Variants in TTC7B observed in about 807,000 individuals in gnomAD.
TTC7B encodes the protein tetratricopeptide repeat domain 7B.
Under a neutral mutation model 106.8 loss-of-function variants are expected in TTC7B, and 28 were observed. The observed-to-expected ratio is 0.26, with a 90% CI of 0.19 to 0.36. The LOEUF is 0.36. TTC7B is among the 10% of genes least tolerant of loss of function. The pLI is 1.00. For missense variants in TTC7B, 862 were observed against 1,076.4 expected (o/e 0.80, Z 2.79); for synonymous variants, 405 against 430.6 (o/e 0.94, Z 0.74).
intron 5 of TTC7B, among the ~76,000 whole-genome samples, chr14:90,702,996 T>C (rs1229699572): frequency 6.6e-6 from 1 of 152,144 alleles, no homozygotes; most frequent in Non-Finnish European, 1.5e-5. Context: ...AAGGGCCAGA[T>C]CACACTAAAA....
At chr14:90,555,047 C>G (rs1890244936) in intron 19 of TTC7B, among the ~76,000 whole-genome samples, 2 of 152,184 alleles carry the variant, frequency 1.3e-5, no homozygotes, top group South Asian at 4.1e-4. Flanking sequence ...GGTTCAGTTA[C>G]CAAGCCAGGT....
chr14:90,576,109 T>C (rs1275181063), intron 19 of TTC7B, among the ~76,000 whole-genome samples: 1 of 152,086 alleles, frequency 6.6e-6, no homozygotes. Context: ...ACTCTCCCGG[T>C]GCGATTTTCC....
At chr14:90,736,284 A>G (rs984312792) in intron 4 of TTC7B, among the ~76,000 whole-genome samples, 1 of 151,944 alleles carries the variant, frequency 6.6e-6, no homozygotes, top group Non-Finnish European at 1.5e-5. Flanking sequence ...TGTTTTTTTA[A>G]AAAAAGGGGA....
intron 19 of TTC7B, among the ~76,000 whole-genome samples, chr14:90,563,489 C>T (rs185648009): frequency 1.9e-3 from 295 of 152,320 alleles, no homozygotes; most frequent in Non-Finnish European, 3.3e-3. Context: ...GCAAGTGATA[C>T]GCTTTTTGCT....
intron 19 of TTC7B, among the ~76,000 whole-genome samples, chr14:90,553,350 C>CA (rs1392590185): frequency 6.6e-6 from 1 of 151,716 alleles, no homozygotes; most frequent in African/African-American, 2.4e-5. Context: ...CTCATTTTTT[C>CA]AAAAAAACCT....
intron 19 of TTC7B, among the ~76,000 whole-genome samples, chr14:90,571,062 C>T (rs954537749): frequency 1.3e-5 from 2 of 151,918 alleles, no homozygotes; most frequent in African/African-American, 4.9e-5. Flanking sequence ...TCCTAACTTA[C>T]AGGTGACCTG....
chr14:90,765,635 C>A (rs751730912), intron 3 of TTC7B, among the ~76,000 whole-genome samples: 1 of 152,174 alleles, frequency 6.6e-6, no homozygotes, highest in African/African-American at 2.4e-5. Flanking sequence ...TGAAGGCTTA[C>A]AATTTCCAGG....
At chr14:90,701,543 C>T (rs1018228031) in intron 5 of TTC7B, among the ~76,000 whole-genome samples, 6 of 151,948 alleles carry the variant, frequency 3.9e-5, no homozygotes, top group African/African-American at 9.7e-5. Flanking sequence ...AAGAGCAACT[C>T]GCCTGCCCTT....
At chr14:90,653,222 C>G (rs1566819751) in intron 12 of TTC7B, among the ~76,000 whole-genome samples, 1 of 152,214 alleles carries the variant, frequency 6.6e-6, no homozygotes, top group Non-Finnish European at 1.5e-5. Flanking sequence ...CGACTGCCCT[C>G]TCAAGTGTAG....
At chr14:90,687,075 G>A (rs918051891) in intron 7 of TTC7B, among the ~76,000 whole-genome samples, 13 of 151,444 alleles carry the variant, frequency 8.6e-5, no homozygotes, top group Non-Finnish European at 7.4e-5. Context: ...TGACAGCTAA[G>A]AGGTGCTGGG....
intron 1 of TTC7B, among the ~76,000 whole-genome samples, chr14:90,791,258 C>T (rs952194231): frequency 6.6e-6 from 1 of 152,146 alleles, no homozygotes; most frequent in Non-Finnish European, 1.5e-5. Flanking sequence ...GCCCCAGGAA[C>T]CCTGAGCACC....
At chr14:90,717,009 A>C (rs553872956) in intron 5 of TTC7B, among the ~76,000 whole-genome samples, 17 of 152,310 alleles carry the variant, frequency 1.1e-4, no homozygotes, top group Non-Finnish European at 2.4e-4. Flanking sequence ...ATTCAAACCC[A>C]AAATACAGAG....
intron 3 of TTC7B, among the ~76,000 whole-genome samples, chr14:90,762,403 G>A (rs1890529865): frequency 6.6e-6 from 1 of 152,170 alleles, no homozygotes; most frequent in Non-Finnish European, 1.5e-5. Flanking sequence ...CAGAGAAAGG[G>A]CCCAAATCCA....
chr14:90,607,747 A>AG (rs1252835751), intron 17 of TTC7B, among the ~76,000 whole-genome samples: 1 of 152,242 alleles, frequency 6.6e-6, no homozygotes, highest in Non-Finnish European at 1.5e-5. Flanking sequence ...AACAAGAATA[A>AG]GGCAATTCTC....
intron 15 of TTC7B, among the ~76,000 whole-genome samples, chr14:90,635,075 G>A (rs1258810542): frequency 1.3e-5 from 2 of 152,128 alleles, no homozygotes; most frequent in Admixed American, 6.5e-5. Context: ...TGTCATTGAG[G>A]AGTCAACTAT....
intron 19 of TTC7B, among the ~76,000 whole-genome samples, chr14:90,566,002 T>C (rs1310390910): frequency 6.6e-6 from 1 of 152,112 alleles, no homozygotes; most frequent in Admixed American, 6.6e-5. Flanking sequence ...TAAAATATTG[T>C]GAGAATTTCC....
At chr14:90,683,468 C>A (rs1056218772) in intron 7 of TTC7B, among the ~76,000 whole-genome samples, 1 of 152,034 alleles carries the variant, frequency 6.6e-6, no homozygotes, top group Non-Finnish European at 1.5e-5. Flanking sequence ...AATCTACTGT[C>A]GATCCCAGGT....
At chr14:90,688,824 T>A (rs1173216179) in intron 7 of TTC7B, among the ~76,000 whole-genome samples, 2 of 151,574 alleles carry the variant, frequency 1.3e-5, no homozygotes, top group East Asian at 1.9e-4. Flanking sequence ...AAAAAAAATT[T>A]AAAAATTTAA....
In TTC7B at chr14:90,532,520, C is replaced by G. The variant is rs1330179977; in HGVS notation, c.*8848G>C. On this transcript the variant is annotated 3_prime_UTR_variant, in exon 20 of 20. Coordinates refer to ENST00000328459, the MANE Select transcript of TTC7B (RefSeq NM_001010854.2). ...CTTAAAGGTGAAGAAGCCCAGTGTC[C>G]TCCAGGGTGGGCACCTTCTTGTCAC... 1.3e-5 allele frequency: 2 copies of G among 152,222 alleles called. No homozygotes were observed. Among genetic ancestry groups the G allele is most frequent in the African/African-American group, 4.8e-5 (2 of 41,438 alleles). 9.4% of individuals were successfully genotyped at this position (152,222 alleles called of 1,614,324 possible). A position where few individuals can be genotyped will look rare whatever the true frequency, so the allele number is the denominator to read the frequency against.
Sources: allele counts gnomAD v4.1 joint callset (sites outside exome capture counted in the v4.1 genomes callset), GRCh38; gene constraint gnomAD v4.1.1; transcripts MANE v1.5; gene names NCBI Gene and HGNC (gene_info 2026-07-23, HGNC 2026-07-21).